The following RUVBL1 variants were observed in gnomAD, a reference collection of about 807,000 sequenced individuals.
RUVBL1 encodes ruvB-like 1.
RUVBL1 carries 4 observed loss-of-function variants against 52.4 expected under a neutral mutation model. The observed-to-expected ratio is 0.08, with a 90% confidence interval of 0.04 to 0.17. RUVBL1 has a LOEUF of 0.17. Ranked by LOEUF, RUVBL1 falls within the 10% of genes least tolerant of loss-of-function variation. The pLI, the probability that RUVBL1 is intolerant of heterozygous loss-of-function variation, is 1.00. For synonymous variants in RUVBL1, 217 were observed against 214.4 expected, an observed-to-expected ratio of 1.01 and a Z score of -0.10; for missense variants, 298 against 572.8, an observed-to-expected ratio of 0.52 and a Z score of 4.90.
At position 128,082,527 on chromosome 3, in the gene RUVBL1, C is replaced by T; in HGVS notation, c.1167G>A (p.Glu389=). Residue 389 remains glutamate (E), a synonymous_variant, in exon 10 of 11, where the codon GAG becomes GAA. Transcript: ENST00000322623. This position sits in a 1 kb window ranked among gnomAD's most constrained non-coding sequence, Gnocchi z 4.7. ...AQTEGINISE[E]ALNHLGEIGT... ...CAATCTCCCCCAGGTGGTTCAGTGCCTCCTCACTGATGTTGATTCCTTCCG... is the reference window on the plus strand; with the variant it reads ...CAATCTCCCCCAGGTGGTTCAGTGCTTCCTCACTGATGTTGATTCCTTCCG... The T allele has an allele frequency of 6.2e-7, 1 of 1,613,964 alleles. No homozygotes were observed. The highest frequency in any genetic ancestry group is 8.5e-7 in the Non-Finnish European group (1 of 1,179,934).
rs60288042 is a variant in RUVBL1 at position 128,140,232 on chromosome 3, G to GTTT, written c.-40+12968_-40+12970dup. On this transcript the variant is annotated intron_variant, in intron 1 of 9. Transcript: ENST00000464873. Reference sequence around the variant, plus strand: ...ATGATACAAGTTTTTTTGTTTGTTTGTTTTTTTTTTTTTTGAGACGGAGTC... The same window carrying GTTT: ...ATGATACAAGTTTTTTTGTTTGTTTGTTTTTTTTTTTTTTTTTGAGACGGAGTC... 9.8e-4 allele frequency among the ~76,000 whole-genome samples: 115 copies of GTTT among 117,230 alleles called. 1 individual carries two copies. Among genetic ancestry groups the GTTT allele is most frequent in the African/African-American group, 1.2e-3 (34 of 29,300 alleles). 76.9% of individuals were successfully genotyped at this position (117,230 alleles called of 152,430 possible).
intron 8 of RUVBL1, among the ~76,000 whole-genome samples, chr3:128,094,495 A>G (rs1942924213): frequency 6.6e-6 from 1 of 152,212 alleles, no homozygotes; most frequent in African/African-American, 2.4e-5. Flanking sequence ...CTCACAGCCC[A>G]GGGTCCACTG....
intron 1 of RUVBL1, among the ~76,000 whole-genome samples, chr3:128,147,471 T>A (rs1181874159): frequency 6.6e-6 from 1 of 152,164 alleles, no homozygotes; most frequent in African/African-American, 2.4e-5. Context: ...CCCAGGAGGC[T>A]GGGGCGGGAG....
intron 1 of RUVBL1, among the ~76,000 whole-genome samples, chr3:128,133,626 C>T (rs1943910652): frequency 6.6e-6 from 1 of 152,236 alleles, no homozygotes; most frequent in South Asian, 2.1e-4. Flanking sequence ...CCAGATCTTA[C>T]CCAAGACCAC....
intron 1 of RUVBL1, among the ~76,000 whole-genome samples, chr3:128,121,602 C>T (rs989295918): frequency 2.7e-5 from 4 of 150,722 alleles, no homozygotes; most frequent in African/African-American, 9.7e-5. Context: ...CCCAGCTACT[C>T]ACGAGGCTGA....
chr3:128,090,492 C>T (rs1942807993), intron 8 of RUVBL1, among the ~76,000 whole-genome samples: 1 of 152,170 alleles, frequency 6.6e-6, no homozygotes, highest in Non-Finnish European at 1.5e-5. Flanking sequence ...GCACTCCAGC[C>T]TGGGTGACAG....
At chr3:128,066,853 C>A in intron 9 of RUVBL1, 1 of 1,130,872 alleles carries the variant, frequency 8.8e-7, no homozygotes, top group East Asian at 2.4e-5. Context: ...ACAGGATTTC[C>A]TCCCTTGTGG....
chr3:128,090,597 G>A (rs962700436), intron 8 of RUVBL1, among the ~76,000 whole-genome samples: 1 of 152,202 alleles, frequency 6.6e-6, no homozygotes, highest in African/African-American at 2.4e-5. Context: ...GTTAACTTTA[G>A]AGAAAACTTA....
downstream of RUVBL1, chr3:128,079,046 T>A (rs922613433): frequency 6.6e-5 from 10 of 152,192 alleles, no homozygotes; most frequent in Non-Finnish European, 1.5e-4. Flanking sequence ...CTGATCTGGA[T>A]ATTGGTACCT....
exon 1 of RUVBL1, chr3:128,153,308 G>A (rs980877442): frequency 1.5e-6 from 2 of 1,362,766 alleles, no homozygotes; most frequent in Admixed American, 3.9e-5. Context: ...TGCCTACGGT[G>A]ACCTCCAGTT....
chr3:128,097,084 C>G (rs36059338), intron 8 of RUVBL1, among the ~76,000 whole-genome samples: 21,223 of 152,152 alleles, frequency 0.14, 1,660 homozygotes, highest in African/African-American at 0.2. Context: ...CAAAAGATCA[C>G]GTGGGAGACC....
At chr3:128,077,267 A>G (rs1304083648), downstream of RUVBL1, among the ~76,000 whole-genome samples, 1 of 151,856 alleles carries the variant, frequency 6.6e-6, no homozygotes, top group Non-Finnish European at 1.5e-5. Flanking sequence ...ACCCCTTCAC[A>G]GTTCCGGGGC....
chr3:128,150,039 A>C (rs1220853577), intron 1 of RUVBL1, among the ~76,000 whole-genome samples: 1 of 152,154 alleles, frequency 6.6e-6, no homozygotes, highest in Non-Finnish European at 1.5e-5. Flanking sequence ...TCTGTGCAGC[A>C]CGTTCTTTCA....
chr3:128,153,392 G>T, exon 1 of RUVBL1: 1 of 1,394,484 alleles, frequency 7.2e-7, no homozygotes, highest in South Asian at 1.6e-5. Flanking sequence ...TTCCGGGCCG[G>T]AACGGGTGTG....
chr3:128,145,875 C>T (rs1944095665), intron 1 of RUVBL1, among the ~76,000 whole-genome samples: 1 of 152,108 alleles, frequency 6.6e-6, no homozygotes, highest in Non-Finnish European at 1.5e-5. Context: ...TTCTGTCTTC[C>T]CTCCAGCCAA....
At chr3:128,114,808 G>A (rs937895774) in intron 2 of RUVBL1, among the ~76,000 whole-genome samples, 3 of 151,510 alleles carry the variant, frequency 2.0e-5, no homozygotes, top group African/African-American at 7.3e-5. Flanking sequence ...CAGACTCCCC[G>A]TGGGGCCACA....
rs1559841629 is a variant in RUVBL1 at position 128,150,907 on chromosome 3, A to ATTCTAT, written c.-40+2295_-40+2296insATAGAA. Among the ~76,000 whole-genome samples the ATTCTAT allele has an allele frequency of 2.4e-3, 174 of 72,532 alleles. 2 individuals carry two copies. Among genetic ancestry groups the ATTCTAT allele is most frequent in the African/African-American group, 9.8e-3 (159 of 16,208 alleles). 47.6% of individuals were successfully genotyped at this position (72,532 alleles called of 152,430 possible). A position where few individuals can be genotyped will look rare whatever the true frequency, so the allele number is the denominator to read the frequency against. On this transcript the variant is annotated intron_variant, in intron 1 of 9. Coordinates refer to the RUVBL1 transcript ENST00000464873. ...TATATATATTCTATATATATAATAT[A>ATTCTAT]ATATTCTATATTATATATATAATAT...
intron 9 of RUVBL1, among the ~76,000 whole-genome samples, chr3:128,073,180 C>CGTAGCTGG (rs1393760173): frequency 3.3e-5 from 5 of 152,166 alleles, no homozygotes; most frequent in African/African-American, 1.2e-4. Flanking sequence ...CTGCTAGGGA[C>CGTAGCTGG]GTAGCTGGGG....
chr3:128,122,844 T>C (rs141113348), intron 1 of RUVBL1, among the ~76,000 whole-genome samples: 50 of 152,280 alleles, frequency 3.3e-4, no homozygotes, highest in African/African-American at 1.2e-3. Context: ...AAAACGAGTG[T>C]CAAGCATATA....
Sources: allele counts gnomAD v4.1 joint callset (sites outside exome capture counted in the v4.1 genomes callset), GRCh38; gene constraint gnomAD v4.1.1; non-coding constraint Gnocchi (gnomAD v3.1); transcripts MANE v1.5; gene names NCBI Gene and HGNC (gene_info 2026-07-23, HGNC 2026-07-21).